Variants in CRTC3 observed in about 807,000 individuals in gnomAD.
The protein encoded by CRTC3 is CREB regulated transcription coactivator 3.
CRTC3 carries 26 observed loss-of-function variants against 74.5 expected under a neutral mutation model. That is an observed-to-expected ratio of 0.35 (90% CI 0.26 to 0.48). CRTC3 has a LOEUF of 0.48. Ranked by LOEUF, CRTC3 falls within the 20% of genes least tolerant of loss-of-function variation. The probability of loss-of-function intolerance (pLI) is 0.99; values close to 1 mark genes in which losing one functional copy is unlikely to be tolerated. For missense variants in CRTC3, 760 were observed against 787.3 expected (o/e 0.97, Z 0.41); for synonymous variants, 377 against 325.8 (o/e 1.16, Z -1.69).
rs1039457512 is a variant in CRTC3, at chr15:90,614,437, T to C, written c.578-16T>C. ...CATAAAAGTGTTTTCTTTTTTTCTT[T>C]TTCCTTTCCCGCTAGGTTTCTGTGA... On this transcript the variant is annotated splice_polypyrimidine_tract_variant and intron_variant, in intron 6 of 14. Transcript: ENST00000268184. 7 of 1,600,024 alleles carry C rather than the reference T, an allele frequency of 4.4e-6. No homozygotes were observed. The South Asian group carries it at 7.8e-5, about 18-fold the overall frequency.
chr15:90,639,161 G>C (rs2151098067), intron 13 of CRTC3, among the ~76,000 whole-genome samples: 1 of 152,220 alleles, frequency 6.6e-6, no homozygotes, highest in Non-Finnish European at 1.5e-5. Flanking sequence ...AGTGGCGCCT[G>C]CTCCCACCGC....
chr15:90,579,633 A>ATTTTTTT (rs1567172299), intron 2 of CRTC3, among the ~76,000 whole-genome samples: 2 of 106,764 alleles, frequency 1.9e-5, no homozygotes, highest in African/African-American at 4.2e-5. Context: ...AACGTATTTC[A>ATTTTTTT]CTTTTTTTTT....
rs968326797 is a variant in CRTC3 at position 90,593,870 on chromosome 15, A to G, written c.351+115A>G. 2.9e-5 allele frequency: 31 copies of G among 1,086,364 alleles called. No homozygotes were observed. In the East Asian group the frequency reaches 6.1e-4, roughly 21 times the overall value. 67.3% of individuals were successfully genotyped at this position (1,086,364 alleles called of 1,614,324 possible). On this transcript the variant is annotated intron_variant, in intron 3 of 14. Transcript: ENST00000268184. ...CTCAGAATCTTCATTTATCTGATGA[A>G]AGGAGGCAATACAAATAAATGAGTT...
chr15:90,628,316 T>A (rs918008131), intron 10 of CRTC3, among the ~76,000 whole-genome samples: 2 of 152,160 alleles, frequency 1.3e-5, no homozygotes, highest in African/African-American at 4.8e-5. Context: ...CACTTAAATT[T>A]TTTGTCAACA....
rs530198832 is a variant in CRTC3, at chr15:90,634,328, G to A, written c.1267-4118G>A. ...GGGATTTCACCATGTTGGCCAGGCTGGTTTCAAACTCCTGACCTCAGGTGA... is the reference window on the plus strand; with the variant it reads ...GGGATTTCACCATGTTGGCCAGGCTAGTTTCAAACTCCTGACCTCAGGTGA... On this transcript the variant is annotated intron_variant, in intron 11 of 14. Coordinates refer to ENST00000268184, the MANE Select transcript of CRTC3 (RefSeq NM_022769.5). 9.9e-5 allele frequency among the ~76,000 whole-genome samples: 15 copies of A among 152,118 alleles called. No individual in the cohort carries two copies. In the South Asian group the frequency reaches 1.7e-3, roughly 17 times the overall value.
In CRTC3 at chr15:90,642,023, G is replaced by A; in HGVS notation, c.1743G>A (p.Leu581=). 1 of 1,613,978 alleles carries A rather than the reference G, an allele frequency of 6.2e-7. No homozygotes were observed. The highest frequency in any genetic ancestry group is 2.2e-5 in the East Asian group (1 of 44,886). Residue 581 remains leucine, a synonymous_variant, in exon 15 of 15, where the codon CTG becomes CTA. Transcript: ENST00000268184. ...VSLNVDTPFP[L]EEELQIEPLS... ...TGAACGTGGACACTCCATTTCCACT[G>A]GAAGAGGAGCTGCAGATTGAACCCC...
Position 90,641,935 on chromosome 15 carries a change from A to G in CRTC3, c.1655A>G (p.Asp552Gly). The G allele has an allele frequency of 1.2e-6, 2 of 1,612,874 alleles. No individual in the cohort carries two copies. Among genetic ancestry groups the G allele is most frequent in the Non-Finnish European group, 1.7e-6 (2 of 1,179,714 alleles). Residue 552 changes from aspartate (D) to glycine (G), a missense_variant, in exon 15 of 15, where the codon GAC becomes GGC. Coordinates refer to ENST00000268184, the MANE Select transcript of CRTC3 (RefSeq NM_022769.5). ...CCCCTCTGGCCACTCCTTTCAGAAG[A>G]CTCCAGCACCAGCCTGTTCAAAGAC... ...GSLPNTILPEDSSTSLFKDLN... is the reference protein window; with the variant it reads ...GSLPNTILPEGSSTSLFKDLN...
intron 2 of CRTC3, among the ~76,000 whole-genome samples, chr15:90,584,913 G>A (rs1967624628): frequency 6.6e-6 from 1 of 152,122 alleles, no homozygotes; most frequent in East Asian, 1.9e-4. Flanking sequence ...TCTATCAGAG[G>A]AAGCATTATC....
At chr15:90,537,679 C>A (rs1966742421) in intron 1 of CRTC3, among the ~76,000 whole-genome samples, 1 of 152,188 alleles carries the variant, frequency 6.6e-6, no homozygotes, top group Non-Finnish European at 1.5e-5. Flanking sequence ...GCCACTGCTC[C>A]TGGCCTTTTT....
chr15:90,594,280 G>A (rs938483205), intron 3 of CRTC3: 3 of 152,400 alleles, frequency 2.0e-5, no homozygotes, highest in African/African-American at 7.2e-5. Flanking sequence ...GTGATGTACA[G>A]TCACACCAAA....
intron 2 of CRTC3, among the ~76,000 whole-genome samples, chr15:90,570,235 CAG>C (rs1967230481): frequency 1.3e-5 from 2 of 152,128 alleles, no homozygotes; most frequent in Non-Finnish European, 2.9e-5. Flanking sequence ...ATGAGCAAAA[CAG>C]AGACTCTACT....
intron 2 of CRTC3, among the ~76,000 whole-genome samples, chr15:90,559,264 C>A (rs1410326218): frequency 6.6e-6 from 1 of 152,074 alleles, no homozygotes; most frequent in Non-Finnish European, 1.5e-5. Context: ...TCATTGAATT[C>A]TTACAGTAAC....
intron 2 of CRTC3, among the ~76,000 whole-genome samples, chr15:90,578,008 C>G (rs1967446909): frequency 6.6e-6 from 1 of 152,166 alleles, no homozygotes; most frequent in Non-Finnish European, 1.5e-5. Flanking sequence ...CTCCCGGATT[C>G]AGCAGTTCTC....
chr15:90,531,714 T>G (rs1966629712), intron 1 of CRTC3, among the ~76,000 whole-genome samples: 1 of 152,156 alleles, frequency 6.6e-6, no homozygotes, highest in Non-Finnish European at 1.5e-5. Context: ...AAAGAATGGG[T>G]GGGTGAAAGC....
chr15:90,618,697 C>T (rs1968560129), intron 8 of CRTC3, among the ~76,000 whole-genome samples: 1 of 152,194 alleles, frequency 6.6e-6, no homozygotes, highest in South Asian at 2.1e-4. Flanking sequence ...TGGCCCAGTT[C>T]CATTTTCTTC....
intron 14 of CRTC3, 63 bp downstream of exon 14, chr15:90,641,262 A>G (rs1969431303): frequency 1.8e-6 from 2 of 1,125,952 alleles, no homozygotes; most frequent in Non-Finnish European, 2.7e-6. Flanking sequence ...AGGAACCTTC[A>G]TAAGAGAGTT....
intron 2 of CRTC3, among the ~76,000 whole-genome samples, chr15:90,545,062 C>G (rs1326966489): frequency 1.3e-5 from 2 of 152,212 alleles, no homozygotes; most frequent in African/African-American, 4.8e-5. Context: ...ATGACTTTGA[C>G]TATTCTAAGT....
intron 4 of CRTC3, 104 bp downstream of exon 4, chr15:90,602,489 T>C: frequency 1.4e-6 from 1 of 701,734 alleles, no homozygotes; most frequent in East Asian, 2.7e-5. Flanking sequence ...ATATAAAGCA[T>C]AGAATCCTGT....
At chr15:90,640,664 AG>A (rs1352626420) in intron 13 of CRTC3, among the ~76,000 whole-genome samples, 1 of 148,140 alleles carries the variant, frequency 6.8e-6, no homozygotes, top group Non-Finnish European at 1.5e-5. Context: ...CCTGGGCAAC[AG>A]AGACCCTATC....
Sources: allele counts gnomAD v4.1 joint callset (sites outside exome capture counted in the v4.1 genomes callset), GRCh38; gene constraint gnomAD v4.1.1; transcripts MANE v1.5; gene names NCBI Gene and HGNC (gene_info 2026-07-23, HGNC 2026-07-21).